Variants in MAP2K3 observed in about 807,000 individuals in gnomAD.
The protein encoded by MAP2K3 is mitogen-activated protein kinase kinase 3, also known as dual specificity mitogen-activated protein kinase kinase 3.
In MAP2K3, 30 loss-of-function variants were observed where a neutral mutation model predicts 46.4. That is an observed-to-expected ratio of 0.65 (90% CI 0.48 to 0.88). The LOEUF (loss-of-function observed/expected upper bound fraction) is 0.88, where lower values mean the gene tolerates loss of function less well. Among genes scored for constraint, MAP2K3 ranks in the 40% least tolerant of loss-of-function variants. MAP2K3 has a pLI of 0.00. For synonymous variants in MAP2K3, 189 were observed against 176.3 expected (o/e 1.07, Z -0.57); for missense variants, 380 against 464.5 (o/e 0.82, Z 1.67).
intron 1 of MAP2K3, among the ~76,000 whole-genome samples, chr17:21,290,443 G>A (rs66859001): frequency 4.0e-5 from 6 of 150,612 alleles, no homozygotes; most frequent in South Asian, 2.1e-4. Context: ...AGGGTGGCGC[G>A]GGCAGACACT....
At chr17:21,289,007 A>G (rs933129392) in intron 1 of MAP2K3, among the ~76,000 whole-genome samples, 15 of 152,350 alleles carry the variant, frequency 9.8e-5, no homozygotes, top group African/African-American at 3.1e-4. Flanking sequence ...TGTTAAGTGA[A>G]TGGCACCTGT....
chr17:21,298,286 G>T, intron 1 of MAP2K3, 127 bp from the exon 2 acceptor site: 1 of 1,370,006 alleles, frequency 7.3e-7, no homozygotes, highest in Non-Finnish European at 1.0e-6. Flanking sequence ...TTGGAGAGAG[G>T]GGGCTCCCGG....
At chr17:21,298,562 G>A (rs1976399805) in intron 2 of MAP2K3, 83 bp downstream of exon 2, 2 of 1,609,044 alleles carry the variant, frequency 1.2e-6, no homozygotes, top group African/African-American at 1.3e-5. Flanking sequence ...GAGGCAGGTG[G>A]GGCCAGCCCT....
intron 7 of MAP2K3, among the ~76,000 whole-genome samples, chr17:21,303,778 G>C (rs1230567039): frequency 1.3e-5 from 2 of 152,310 alleles, no homozygotes; most frequent in Admixed American, 1.3e-4. Context: ...TATTTTTCCA[G>C]ATTTACTGCT....
At chr17:21,286,511 T>G (rs1975727519) in intron 1 of MAP2K3, among the ~76,000 whole-genome samples, 5 of 152,142 alleles carry the variant, frequency 3.3e-5, no homozygotes, top group South Asian at 2.1e-4. Context: ...CCCTGACCAT[T>G]GCCCAACCAC....
intron 7 of MAP2K3, among the ~76,000 whole-genome samples, chr17:21,303,457 G>A (rs1440800946): frequency 3.9e-5 from 6 of 152,310 alleles, no homozygotes; most frequent in African/African-American, 1.4e-4. Context: ...TCCTGAGAAA[G>A]GTGGACTGGG....
At chr17:21,295,724 C>T (rs1438330416) in intron 1 of MAP2K3, 5 of 1,289,448 alleles carry the variant, frequency 3.9e-6, no homozygotes, top group African/African-American at 1.5e-5. Flanking sequence ...CTGCGAGGAG[C>T]GTGGTCCCCA....
chr17:21,285,073 T>C (rs1975688058), intron 1 of MAP2K3, 104 bp downstream of exon 1: 1 of 1,456,050 alleles, frequency 6.9e-7, no homozygotes, highest in African/African-American at 1.4e-5. Flanking sequence ...GTTCTCGACC[T>C]GGCAGCGGCG....
At chr17:21,299,137 G>A (rs1023515017) in intron 3 of MAP2K3, among the ~76,000 whole-genome samples, 1 of 152,312 alleles carries the variant, frequency 6.6e-6, no homozygotes, top group Admixed American at 6.5e-5. Context: ...TCGGCTGCCT[G>A]ACTGGAGCTT....
intron 1 of MAP2K3, among the ~76,000 whole-genome samples, chr17:21,290,683 A>T (rs1975870585): frequency 6.6e-6 from 1 of 152,310 alleles, no homozygotes; most frequent in African/African-American, 2.4e-5. Flanking sequence ...TAAGATTTTA[A>T]TAGTAATGAT....
At chr17:21,295,982 A>G in intron 1 of MAP2K3, 1 of 1,264,492 alleles carries the variant, frequency 7.9e-7, no homozygotes, top group Non-Finnish European at 1.0e-6. Context: ...TTTAATTTTT[A>G]ACAGAAAATA....
intron 1 of MAP2K3, chr17:21,295,590 C>T (rs550356604): frequency 4.5e-5 from 57 of 1,277,036 alleles, no homozygotes; most frequent in South Asian, 8.8e-5. Context: ...GTCTCCATGA[C>T]GGCCTCACCC....
chr17:21,291,320 A>G (rs62056390), intron 1 of MAP2K3: 4,242 of 147,964 alleles, frequency 0.029, 93 homozygotes, highest in Non-Finnish European at 0.04. Context: ...ATACAATAGA[A>G]TACAATAGAA....
rs1419289282 is a variant in MAP2K3, at chr17:21,314,036, G to A, written c.961-111G>A. 4 of 801,438 alleles carry A rather than the reference G, an allele frequency of 5.0e-6. No individual in the cohort carries two copies. The African/African-American group carries it at 5.0e-5, about 10-fold the overall frequency. 49.6% of individuals were successfully genotyped at this position (801,438 alleles called of 1,614,324 possible). ...GGGGGTGGAGGTCCTAGAAGGATGA[G>A]TAGGATTTTGCCAGTCAGGAGAACA... On this transcript the variant is annotated intron_variant, in intron 11 of 11. Transcript: ENST00000342679.
intron 1 of MAP2K3, among the ~76,000 whole-genome samples, chr17:21,287,765 C>T (rs1294852834): frequency 2.0e-5 from 3 of 152,220 alleles, no homozygotes; most frequent in Non-Finnish European, 4.4e-5. Context: ...GGGTTCTGCC[C>T]CTTCTGCCCT....
chr17:21,297,609 T>C (rs1976331337), intron 1 of MAP2K3, among the ~76,000 whole-genome samples: 2 of 152,312 alleles, frequency 1.3e-5, no homozygotes, highest in Non-Finnish European at 2.9e-5. Context: ...GGGAGCTCTC[T>C]CTGCATGCCA....
intron 2 of MAP2K3, among the ~76,000 whole-genome samples, 197 bp downstream of exon 2, chr17:21,298,676 A>T (rs1976408161): frequency 2.6e-5 from 4 of 152,410 alleles, no homozygotes; most frequent in African/African-American, 7.2e-5. Flanking sequence ...CTCACTTCTC[A>T]CCCTGTCTTG....
chr17:21,292,561 T>G (rs1196447204), intron 1 of MAP2K3, among the ~76,000 whole-genome samples: 1 of 152,430 alleles, frequency 6.6e-6, no homozygotes, highest in African/African-American at 2.4e-5. Flanking sequence ...GACAGGATTT[T>G]GTCATGTTGC....
intron 1 of MAP2K3, 129 bp from the exon 2 acceptor site, chr17:21,298,284 A>AG: frequency 1.5e-6 from 2 of 1,347,232 alleles, no homozygotes; most frequent in East Asian, 2.3e-5. Flanking sequence ...GCTTGGAGAG[A>AG]GGGGGCTCCC....
Sources: gnomAD v4.1 joint callset for allele counts (sites outside exome capture counted in the v4.1 genomes callset) on GRCh38, gnomAD v4.1.1 for gene constraint, MANE v1.5 for transcripts, NCBI Gene and HGNC (gene_info 2026-07-23, HGNC 2026-07-21) for gene names.